Variants in ASB3 observed in about 807,000 individuals in gnomAD.
ASB3 encodes ankyrin repeat and SOCS box protein 3.
A neutral mutation model predicts 54.5 loss-of-function variants in ASB3; 41 were observed. The ratio of observed to expected loss-of-function variants is 0.75; its 90% CI spans 0.59 to 0.98. The LOEUF is 0.98. Among genes scored for constraint, ASB3 ranks in the 50% least tolerant of loss-of-function variants. The pLI is 0.00. For synonymous variants in ASB3, 266 were observed against 221.2 expected, an observed-to-expected ratio of 1.20 and a Z score of -1.80; for missense variants, 733 against 620.0, an observed-to-expected ratio of 1.18 and a Z score of -1.94.
In ASB3 at chr2:53,786,938, G is replaced by A. The variant is rs973376785; in HGVS notation, c.-131C>T. 1 of 427,362 alleles carries A rather than the reference G, an allele frequency of 2.3e-6. No individual in the cohort carries two copies. Among genetic ancestry groups the A allele is most frequent in the Non-Finnish European group, 4.2e-6 (1 of 240,386 alleles). 26.5% of individuals were successfully genotyped at this position (427,362 alleles called of 1,614,324 possible). A position where few individuals can be genotyped will look rare whatever the true frequency, so the allele number is the denominator to read the frequency against. ...CGATGCTGCAGCCGTCCGAAAACGA[G>A]AGACGCGCAGGCGACGTCCCGGCCC... On this transcript the variant is annotated 5_prime_UTR_variant, in exon 1 of 10. Transcript: ENST00000263634.
At chr2:53,726,211 G>A (rs999395275) in intron 5 of ASB3, among the ~76,000 whole-genome samples, 6 of 150,182 alleles carry the variant, frequency 4.0e-5, no homozygotes, top group African/African-American at 1.5e-4. Context: ...AAACACACCT[G>A]ACATGAGGAG....
Position 53,714,353 on chromosome 2 carries a change from TAAAAAATAAAAAC to T in ASB3, c.980+18_980+30del, listed in dbSNP as rs763671946. The T allele has an allele frequency of 3.9e-5, 63 of 1,606,124 alleles. No homozygotes were observed. The highest frequency in any genetic ancestry group is 5.1e-5 in the Non-Finnish European group (60 of 1,177,298). On this transcript the variant is annotated intron_variant, in intron 7 of 9. Transcript: ENST00000263634. ...CACATCTCCATACAGCAAAAAAGAA[TAAAAAATAAAAAC>T]ATAGCAAATATACATACTCCTTTTG... is the stretch of plus-strand genomic sequence containing the variant.
intron 3 of ASB3, among the ~76,000 whole-genome samples, chr2:53,731,844 C>T (rs919851958): frequency 6.6e-6 from 1 of 152,116 alleles, no homozygotes; most frequent in African/African-American, 2.4e-5. Context: ...GTAGAGATAG[C>T]GTCTCACCAT....
rs116180066 is a variant in ASB3 at position 53,778,792 on chromosome 2, G to T, written c.-14+8029C>A. On this transcript the variant is annotated intron_variant, in intron 1 of 9. Transcript: ENST00000263634. ...TTTCTTTATCCATTCATCTGTCTAA[G>T]GACCCTTAGGTTGATTCCGTATCTT... Among the ~76,000 whole-genome samples the T allele has an allele frequency of 1.8e-3, 270 of 152,262 alleles. 1 individual carries two copies. The highest frequency in any genetic ancestry group is 0.01 in the Middle Eastern group (3 of 292).
At chr2:53,687,005 C>A (rs995390750) in intron 9 of ASB3, among the ~76,000 whole-genome samples, 3 of 152,182 alleles carry the variant, frequency 2.0e-5, no homozygotes, top group Admixed American at 6.5e-5. Flanking sequence ...CAGGCATGAG[C>A]CATGGCGCCT....
intron 2 of ASB3, among the ~76,000 whole-genome samples, chr2:53,761,594 C>T (rs1454620016): frequency 1.3e-5 from 2 of 152,208 alleles, no homozygotes; most frequent in Non-Finnish European, 2.9e-5. Context: ...CTGAGAGTTA[C>T]ACTATCACTT....
At chr2:53,714,820 A>G (rs936291513) in intron 6 of ASB3, among the ~76,000 whole-genome samples, 2 of 152,204 alleles carry the variant, frequency 1.3e-5, no homozygotes, top group Non-Finnish European at 2.9e-5. Flanking sequence ...AACAAAATTA[A>G]TGTTCCTATA....
Position 53,773,171 on chromosome 2 carries a change from CTAAT to C in ASB3, c.-13-7590_-13-7587del, listed in dbSNP as rs559747943. ...TCTTCAAATTGGTAACTTATAACTC[CTAAT>C]TAAACAGTTAATAAACAAATGGCAC... On this transcript the variant is annotated intron_variant, in intron 1 of 9. Transcript: ENST00000263634. Among the ~76,000 whole-genome samples, 6 of 152,136 alleles carry C rather than the reference CTAAT, an allele frequency of 3.9e-5. 1 individual carries two copies. In the South Asian group the frequency reaches 6.2e-4, roughly 16 times the overall value.
Position 53,729,596 on chromosome 2 carries a change from A to T in ASB3, c.356-26T>A, listed in dbSNP as rs748695690. The T allele has an allele frequency of 1.9e-6, 3 of 1,606,442 alleles. No individual in the cohort carries two copies. In the African/African-American group the frequency reaches 4.0e-5, roughly 21 times the overall value. ...CTGTAATACAGCAGTTAGAAAAATT[A>T]ATGTCAGCAAAAAGGCATGTTTGTA... On this transcript the variant is annotated intron_variant, in intron 3 of 9. Coordinates refer to ENST00000263634, the MANE Select transcript of ASB3 (RefSeq NM_016115.5).
chr2:53,709,880 TTC>T (rs958955089), intron 7 of ASB3, among the ~76,000 whole-genome samples: 34 of 152,270 alleles, frequency 2.2e-4, no homozygotes, highest in African/African-American at 7.5e-4. Context: ...TTCCGTCTTG[TTC>T]TCTCTTAGAC....
rs574627820 is a variant in ASB3 at position 53,725,306 on chromosome 2, G to A, written c.604+3406C>T. Among the ~76,000 whole-genome samples the A allele has an allele frequency of 2.0e-4, 31 of 152,306 alleles. 1 individual carries two copies. The South Asian group carries it at 5.8e-3, about 29-fold the overall frequency. On this transcript the variant is annotated intron_variant, in intron 5 of 9. Coordinates refer to ENST00000263634, the MANE Select transcript of ASB3 (RefSeq NM_016115.5). ...ATAGAGAGGGGAGGCAGGGAACAGGGCAAGGGCTGAAAAGCGAACTGTTGA... is the reference window on the plus strand; with the variant it reads ...ATAGAGAGGGGAGGCAGGGAACAGGACAAGGGCTGAAAAGCGAACTGTTGA...
In ASB3 at chr2:53,761,592, T is replaced by C. The variant is rs140578181; in HGVS notation, c.196+3785A>G. Among the ~76,000 whole-genome samples, 59 of 152,330 alleles carry C rather than the reference T, an allele frequency of 3.9e-4. 1 individual carries two copies. The highest frequency in any genetic ancestry group is 1.4e-3 in the African/African-American group (58 of 41,582). On this transcript the variant is annotated intron_variant, in intron 2 of 9. Coordinates refer to ENST00000263634, the MANE Select transcript of ASB3 (RefSeq NM_016115.5). ...AGTCCTTTGGCCTCAGACTGAGAGT[T>C]ACACTATCACTTCCCCTGGTTCTCA... is the stretch of plus-strand genomic sequence containing the variant.
At chr2:53,697,717 A>G (rs965782332) in intron 8 of ASB3, among the ~76,000 whole-genome samples, 4 of 152,200 alleles carry the variant, frequency 2.6e-5, no homozygotes, top group African/African-American at 9.6e-5. Context: ...ATAGGACCCA[A>G]GTAAGTCCAA....
intron 1 of ASB3, chr2:53,774,047 A>G (rs1674148508): frequency 3.8e-6 from 5 of 1,309,632 alleles, no homozygotes; most frequent in African/African-American, 1.5e-5. Context: ...AACAAACAGA[A>G]AAGAATATAT....
intron 2 of ASB3, among the ~76,000 whole-genome samples, chr2:53,762,500 T>C (rs1673200345): frequency 6.6e-6 from 1 of 152,236 alleles, no homozygotes; most frequent in African/African-American, 2.4e-5. Context: ...TGCCCAGTAT[T>C]AGTGCGTATT....
At chr2:53,742,129 C>A (rs544774468) in intron 3 of ASB3, among the ~76,000 whole-genome samples, 21 of 152,284 alleles carry the variant, frequency 1.4e-4, no homozygotes, top group South Asian at 2.1e-4. Flanking sequence ...AAGAATCACA[C>A]AAAGTGGTCT....
chr2:53,760,033 C>T (rs1673056471), intron 2 of ASB3, among the ~76,000 whole-genome samples: 1 of 152,168 alleles, frequency 6.6e-6, no homozygotes, highest in African/African-American at 2.4e-5. Context: ...GATCCTAGGA[C>T]AGGCAGTCAC....
intron 9 of ASB3, among the ~76,000 whole-genome samples, chr2:53,679,321 T>A (rs13431333): frequency 0.057 from 8,724 of 152,172 alleles, 793 homozygotes; most frequent in African/African-American, 0.2. Context: ...ACAGCAACCA[T>A]TCCAAAACAC....
intron 9 of ASB3, among the ~76,000 whole-genome samples, chr2:53,685,871 G>T (rs1274361000): frequency 6.6e-6 from 1 of 152,174 alleles, no homozygotes; most frequent in African/African-American, 2.4e-5. Flanking sequence ...TGTAAGAAAT[G>T]GTGGGTCTTA....
Sources: gnomAD v4.1 joint callset for allele counts (sites outside exome capture counted in the v4.1 genomes callset) on GRCh38, gnomAD v4.1.1 for gene constraint, MANE v1.5 for transcripts, NCBI Gene and HGNC (gene_info 2026-07-23, HGNC 2026-07-21) for gene names.